CSNK1G1: variants seen among roughly 807,000 people sequenced by gnomAD.
CSNK1G1 encodes the protein casein kinase I isoform gamma-1.
In CSNK1G1, 22 loss-of-function variants were observed where a neutral mutation model predicts 59.6. The observed-to-expected ratio is 0.37, with a 90% CI of 0.26 to 0.53. The LOEUF (loss-of-function observed/expected upper bound fraction) is 0.53. Ranked by LOEUF, CSNK1G1 falls within the 20% of genes least tolerant of loss-of-function variation. The pLI, the probability that CSNK1G1 is intolerant of heterozygous loss-of-function variation, is 0.89. For synonymous variants in CSNK1G1, 179 were observed against 177.1 expected (o/e 1.01, Z -0.08); for missense variants, 384 against 519.5 (o/e 0.74, Z 2.54).
At chr15:64,292,254 T>C (rs1424466406) in intron 2 of CSNK1G1, among the ~76,000 whole-genome samples, 2 of 150,940 alleles carry the variant, frequency 1.3e-5, no homozygotes, top group Non-Finnish European at 2.9e-5. Flanking sequence ...CAAGTGACAG[T>C]TCAGTAATTC....
intron 4 of CSNK1G1, among the ~76,000 whole-genome samples, chr15:64,225,144 G>A (rs1200875730): frequency 6.6e-6 from 1 of 151,700 alleles, no homozygotes; most frequent in South Asian, 2.1e-4. Context: ...GAGTGGCTGG[G>A]ATTACAGGCA....
rs1280705466 is a variant in CSNK1G1, at chr15:64,203,116, T to A, written c.1073A>T (p.Asp358Val). 1.9e-6 allele frequency: 3 copies of A among 1,614,074 alleles called. No individual in the cohort carries two copies. The Admixed American group carries it at 5.0e-5, about 27-fold the overall frequency. The change falls in exon 10 of 12, where the codon GAT (aspartate) becomes GTT (valine). Residue 358 changes from aspartate to valine, a missense_variant. Asp to Val is a radical substitution (Grantham distance 152). This residue lies in a region of CSNK1G1 where 325 missense variants were observed against 440.9 expected (regional missense o/e 0.74). Transcript: ENST00000303052. ...AAGAGGCTGCTGTTGTGATGGCCGATCCCTATGTGTGTGGCTTTCTCGAGT... is the reference window on the plus strand; with the variant it reads ...AAGAGGCTGCTGTTGTGATGGCCGAACCCTATGTGTGTGGCTTTCTCGAGT... ...AITRESHTHR[D>V]RPSQQQPLRN...
At chr15:64,341,772 G>A (rs1282790800) in intron 1 of CSNK1G1, among the ~76,000 whole-genome samples, 1 of 152,122 alleles carries the variant, frequency 6.6e-6, no homozygotes, top group African/African-American at 2.4e-5. Context: ...TGCTTAGAGA[G>A]GGAAAAGTGG....
Position 64,176,832 on chromosome 15 carries a change from T to G in CSNK1G1, c.1214+3516A>C, listed in dbSNP as rs951090752. ...AAAGGTTTAAGCGACACTTACTTTA[T>G]CTTATTAGAAGATGAATCAGAGGAA... On this transcript the variant is annotated intron_variant, in intron 11 of 11. Coordinates refer to ENST00000303052, the MANE Select transcript of CSNK1G1 (RefSeq NM_022048.5). This position sits in a 1 kb window ranked among gnomAD's most constrained non-coding sequence, Gnocchi z 5.2. Among the ~76,000 whole-genome samples, 2 of 152,346 alleles carry G rather than the reference T, an allele frequency of 1.3e-5. No homozygotes were observed. Among genetic ancestry groups the G allele is most frequent in the South Asian group, 4.1e-4 (2 of 4,828 alleles).
intron 11 of CSNK1G1, among the ~76,000 whole-genome samples, chr15:64,172,207 T>C (rs1481621022): frequency 1.3e-5 from 2 of 152,148 alleles, no homozygotes; most frequent in African/African-American, 4.8e-5. Context: ...TCCTACCTAA[T>C]TATCAAGATG....
chr15:64,342,904 G>A (rs1341456828), intron 1 of CSNK1G1, among the ~76,000 whole-genome samples: 1 of 152,078 alleles, frequency 6.6e-6, no homozygotes, highest in Non-Finnish European at 1.5e-5. Context: ...CAATTCAGTA[G>A]GTATGGGACC....
chr15:64,224,594 CAT>C (rs1414017010), intron 4 of CSNK1G1, among the ~76,000 whole-genome samples: 2 of 152,182 alleles, frequency 1.3e-5, no homozygotes, highest in South Asian at 4.1e-4. Flanking sequence ...ACCAGTTAAA[CAT>C]ATGAATTTAC....
At chr15:64,261,037 T>C (rs540525266) in intron 2 of CSNK1G1, among the ~76,000 whole-genome samples, 2 of 152,266 alleles carry the variant, frequency 1.3e-5, no homozygotes, top group East Asian at 3.9e-4. Context: ...CTCTCATATA[T>C]ATAGTGTTTG....
chr15:64,347,170 C>T (rs115357057), intron 1 of CSNK1G1, among the ~76,000 whole-genome samples: 19 of 152,188 alleles, frequency 1.2e-4, no homozygotes, highest in African/African-American at 2.6e-4. Flanking sequence ...CGTGAAACAA[C>T]GGGAACTCTT....
At chr15:64,203,565 C>T (rs1001962841) in intron 9 of CSNK1G1, among the ~76,000 whole-genome samples, 4 of 151,768 alleles carry the variant, frequency 2.6e-5, no homozygotes, top group Non-Finnish European at 4.4e-5. Context: ...GGTGTGGCAG[C>T]GCGTGCCTGT....
In CSNK1G1 at chr15:64,300,391, C is replaced by A; in HGVS notation, c.109G>T (p.Val37Phe). Residue 37 changes from valine (V) to phenylalanine (F), a missense_variant, in exon 2 of 12, where the codon GTT becomes TTT. Transcript: ENST00000303052. ...RPSGSSSSSG[V>F]LMVGPNFRVG... ...CTGAAGTTGGGTCCCACCATAAGAA[C>A]CCCAGAGGACGATGAGGAGCCAGAT... is the stretch of plus-strand genomic sequence containing the variant. The A allele has an allele frequency of 6.2e-7, 1 of 1,614,154 alleles. No individual in the cohort carries two copies. The highest frequency in any genetic ancestry group is 8.5e-7 in the Non-Finnish European group (1 of 1,180,018).
chr15:64,333,104 A>G (rs1020130054), intron 1 of CSNK1G1, among the ~76,000 whole-genome samples: 2 of 151,750 alleles, frequency 1.3e-5, no homozygotes, highest in South Asian at 4.1e-4. Context: ...TAAAAATACA[A>G]AACTTAGCCA....
intron 2 of CSNK1G1, among the ~76,000 whole-genome samples, chr15:64,299,444 T>G (rs897290661): frequency 5.3e-5 from 8 of 151,614 alleles, no homozygotes; most frequent in Non-Finnish European, 1.0e-4. Flanking sequence ...AAAACAAAAT[T>G]AGCCGGGCGT....
chr15:64,243,880 A>G (rs1330292296), intron 4 of CSNK1G1, among the ~76,000 whole-genome samples: 2 of 151,500 alleles, frequency 1.3e-5, no homozygotes, highest in Non-Finnish European at 2.9e-5. Flanking sequence ...AAAAAAATAA[A>G]TAAACAGGCC....
intron 3 of CSNK1G1, 80 bp from the exon 4 acceptor site, chr15:64,251,661 G>T (rs1892092393): frequency 6.3e-6 from 6 of 948,944 alleles, no homozygotes; most frequent in Non-Finnish European, 1.0e-5. Flanking sequence ...AGTAAACGAG[G>T]GCTAAGATCA....
chr15:64,265,858 A>T, intron 2 of CSNK1G1: 2 of 456,214 alleles, frequency 4.4e-6, no homozygotes, highest in South Asian at 1.5e-5. Context: ...CCAAGGCAGG[A>T]GGATCATTTC....
chr15:64,221,466 G>A (rs958426211), intron 4 of CSNK1G1, among the ~76,000 whole-genome samples: 9 of 152,018 alleles, frequency 5.9e-5, no homozygotes, highest in East Asian at 1.9e-4. Context: ...GTTCCTGCTC[G>A]CTGCATTATT....
At chr15:64,244,776 T>C (rs60207213) in intron 4 of CSNK1G1, among the ~76,000 whole-genome samples, 21,220 of 151,708 alleles carry the variant, frequency 0.14, 2,716 homozygotes, top group African/African-American at 0.34. Context: ...CGTGATCACA[T>C]CACTGCACTA....
At chr15:64,294,457 A>G (rs190733547) in intron 2 of CSNK1G1, among the ~76,000 whole-genome samples, 7 of 152,312 alleles carry the variant, frequency 4.6e-5, no homozygotes, top group African/African-American at 1.7e-4. Flanking sequence ...AAATTAAACC[A>G]TCATTACTGG....
Sources: allele counts gnomAD v4.1 joint callset (sites outside exome capture counted in the v4.1 genomes callset), GRCh38; gene constraint gnomAD v4.1.1; regional missense constraint gnomAD v4.1.1; non-coding constraint Gnocchi (gnomAD v3.1); transcripts MANE v1.5; gene names NCBI Gene and HGNC (gene_info 2026-07-23, HGNC 2026-07-21).